TTC6: variants seen among roughly 807,000 people sequenced by gnomAD.
The protein encoded by TTC6 is tetratricopeptide repeat domain 6.
TTC6 carries 172 observed loss-of-function variants against 210.4 expected under a neutral mutation model. The ratio of observed to expected loss-of-function variants is 0.82; its 90% confidence interval spans 0.72 to 0.93. The LOEUF (loss-of-function observed/expected upper bound fraction) is 0.93, where lower values mean the gene tolerates loss of function less well. TTC6 is among the 40% of genes least tolerant of loss of function. The pLI, the probability that TTC6 is intolerant of heterozygous loss-of-function variation, is 0.00. For synonymous variants in TTC6, 804 were observed against 819.6 expected (o/e 0.98, Z 0.32); for missense variants, 2,414 against 2,318.1 (o/e 1.04, Z -0.85).
At chr14:37,745,342 G>A (rs1015618314) in intron 10 of TTC6, among the ~76,000 whole-genome samples, 5 of 152,142 alleles carry the variant, frequency 3.3e-5, no homozygotes, top group African/African-American at 9.7e-5. Flanking sequence ...AAAGTAAAAT[G>A]GAGATATGGT....
chr14:37,707,943 G>T (rs2095838461), intron 5 of TTC6, among the ~76,000 whole-genome samples: 1 of 152,050 alleles, frequency 6.6e-6, no homozygotes, highest in African/African-American at 2.4e-5. Flanking sequence ...AATCCTGAAA[G>T]GCATTGGGGG....
chr14:37,804,899 A>G (rs1477083812), intron 21 of TTC6, 85 bp downstream of exon 23: 8 of 1,496,144 alleles, frequency 5.3e-6, no homozygotes, highest in Admixed American at 3.7e-5. Context: ...AAGGCCACCT[A>G]TACAGTGGGC....
chr14:37,815,441 A>T (rs1409703382), intron 25 of TTC6, among the ~76,000 whole-genome samples: 2 of 152,180 alleles, frequency 1.3e-5, no homozygotes, highest in Non-Finnish European at 2.9e-5. Context: ...AGATCCTCAC[A>T]TGCACAGTTC....
At chr14:37,810,828 A>G (rs558955921) in intron 24 of TTC6, among the ~76,000 whole-genome samples, 7 of 152,218 alleles carry the variant, frequency 4.6e-5, no homozygotes, top group African/African-American at 7.2e-5. Context: ...CTAACACTTT[A>G]TATTAATAAA....
intron 1 of TTC6, among the ~76,000 whole-genome samples, chr14:37,636,359 C>T (rs1244547824): frequency 1.3e-5 from 2 of 152,042 alleles, no homozygotes; most frequent in African/African-American, 4.8e-5. Context: ...CTAAGATGGA[C>T]CATATCTTGG....
chr14:37,633,336 T>C (rs2095673721), intron 1 of TTC6, among the ~76,000 whole-genome samples: 1 of 152,178 alleles, frequency 6.6e-6, no homozygotes, highest in Admixed American at 6.5e-5. Flanking sequence ...TGCAATGTTC[T>C]TCATGGCACA....
chr14:37,842,234 A>G (rs1160797950), exon 31 of TTC6: 1 of 1,609,872 alleles, frequency 6.2e-7, no homozygotes, highest in Non-Finnish European at 8.5e-7. Context: ...TGATTGAGGA[A>G]GCTATGGCTG....
intron 25 of TTC6, among the ~76,000 whole-genome samples, 154 bp downstream of exon 27, chr14:37,812,587 TCTTTGA>T (rs201853493): frequency 0.068 from 10,312 of 152,274 alleles, 519 homozygotes; most frequent in South Asian, 0.13. Flanking sequence ...ACTAATAGGC[TCTTTGA>T]AAAAATGTAT....
upstream of TTC6, among the ~76,000 whole-genome samples, chr14:37,619,250 TAAAG>T (rs1362195700): frequency 6.6e-6 from 1 of 152,138 alleles, no homozygotes; most frequent in African/African-American, 2.4e-5. Context: ...TGGAGCTAGG[TAAAG>T]AAAGAAAGCC....
chr14:37,602,593 G>A (rs569870889), intron 1 of TTC6, among the ~76,000 whole-genome samples: 1 of 152,144 alleles, frequency 6.6e-6, no homozygotes, highest in African/African-American at 2.4e-5. Flanking sequence ...TGTCCTCGAT[G>A]TTCCTCCCAC....
At chr14:37,632,183 A>C (rs1036697318) in intron 1 of TTC6, among the ~76,000 whole-genome samples, 15 of 152,148 alleles carry the variant, frequency 9.9e-5, no homozygotes. Flanking sequence ...GATCCTTTGG[A>C]GGACAAGAGG....
chr14:37,769,570 A>T (rs141165555), intron 14 of TTC6, among the ~76,000 whole-genome samples: 71,319 of 151,750 alleles, frequency 0.47, 16,929 homozygotes, highest in East Asian at 0.58. Context: ...TTTCTTCTAG[A>T]TTTTCTAGTT....
chr14:37,774,796 G>A (rs1055583034), intron 14 of TTC6, among the ~76,000 whole-genome samples: 2 of 152,056 alleles, frequency 1.3e-5, no homozygotes, highest in African/African-American at 4.8e-5. Flanking sequence ...TTTTTGTAAT[G>A]GTTTCAGTAG....
intron 1 of TTC6, among the ~76,000 whole-genome samples, chr14:37,640,396 G>A (rs995880255): frequency 1.3e-4 from 20 of 152,108 alleles, no homozygotes; most frequent in Admixed American, 1.0e-3. Context: ...ATTTTTAAAT[G>A]TTGTTCAAAA....
At chr14:37,810,794 A>G (rs914526819) in intron 24 of TTC6, among the ~76,000 whole-genome samples, 1 of 152,170 alleles carries the variant, frequency 6.6e-6, no homozygotes, top group Non-Finnish European at 1.5e-5. Flanking sequence ...TTTCATAAAA[A>G]CTAAGGGAAG....
rs1163694975 is a variant in TTC6 at position 37,776,043 on chromosome 14, C to CTTT, written c.3267-11402_3267-11400dup. Among the ~76,000 whole-genome samples, 46 of 26,296 alleles carry CTTT rather than the reference C, an allele frequency of 1.7e-3. 3 individuals carry two copies. Among genetic ancestry groups the CTTT allele is most frequent in the African/African-American group, 2.8e-3 (26 of 9,420 alleles). The allele number at this position is 26,296 out of a possible 152,430, so 17.3% of individuals were successfully genotyped here. ...TTTGGCGTACCACTGGGTCTTGATTCTTTTTTTTTTTTTTTTTTTTTTTTT... is the reference window on the plus strand; with the variant it reads ...TTTGGCGTACCACTGGGTCTTGATTCTTTTTTTTTTTTTTTTTTTTTTTTTTTT... On this transcript the variant is annotated intron_variant, in intron 14 of 30. Transcript: ENST00000553443.
In TTC6 at chr14:37,796,770, C is replaced by T. The variant is rs375353918; in HGVS notation, c.3869-17C>T. ...GATACTTGGCAAAGATATTGATAAA[C>T]TTTCCTTCCCTTTTAGGTCTCAGTG... On this transcript the variant is annotated splice_polypyrimidine_tract_variant and intron_variant, in intron 19 of 30. Coordinates refer to ENST00000553443, the Ensembl canonical transcript of TTC6. 1 of 1,587,650 alleles carries T rather than the reference C, an allele frequency of 6.3e-7. No individual in the cohort carries two copies. The highest frequency in any genetic ancestry group is 8.5e-7 in the Non-Finnish European group (1 of 1,170,542).
At chr14:37,622,827 C>A (rs1157886904) in exon 1 of TTC6, 3 of 1,533,666 alleles carry the variant, frequency 2.0e-6, no homozygotes, top group Admixed American at 2.0e-5. Flanking sequence ...GGAGAGCTGG[C>A]CGCCCAGCGA....
intron 29 of TTC6, among the ~76,000 whole-genome samples, 163 bp downstream of exon 31, chr14:37,827,529 A>G (rs116404337): frequency 6.6e-6 from 1 of 152,046 alleles, no homozygotes; most frequent in Non-Finnish European, 1.5e-5. Context: ...TAATTTATCC[A>G]TTAAATATTT....
Sources: gnomAD v4.1 joint callset for allele counts (sites outside exome capture counted in the v4.1 genomes callset) on GRCh38, gnomAD v4.1.1 for gene constraint, MANE v1.5 for transcripts, NCBI Gene and HGNC (gene_info 2026-07-23, HGNC 2026-07-21) for gene names.